The following HYDIN variants were observed in gnomAD, a reference collection of about 807,000 sequenced individuals.
HYDIN encodes HYDIN axonemal central pair apparatus protein.
A neutral mutation model predicts 403.9 loss-of-function variants in HYDIN; 132 were observed. The ratio of observed to expected loss-of-function variants is 0.33; its 90% CI spans 0.28 to 0.38. The LOEUF (loss-of-function observed/expected upper bound fraction) is 0.38. HYDIN is among the 10% of genes least tolerant of loss of function. HYDIN has a pLI of 1.00. For synonymous variants in HYDIN, 1,202 were observed against 1,891.7 expected, an observed-to-expected ratio of 0.64 and a Z score of 9.46; for missense variants, 2,827 against 5,009.5, an observed-to-expected ratio of 0.56 and a Z score of 13.15.
intron 5 of HYDIN, among the ~76,000 whole-genome samples, chr16:71,165,712 C>T (rs2086192304): frequency 6.6e-6 from 1 of 151,794 alleles, no homozygotes; most frequent in Non-Finnish European, 1.5e-5. Flanking sequence ...GACAGAGAGA[C>T]TGGAGAGCTC....
intron 15 of HYDIN, among the ~76,000 whole-genome samples, chr16:71,066,018 A>C (rs1219845294): frequency 6.6e-6 from 1 of 152,168 alleles, no homozygotes; most frequent in Non-Finnish European, 1.5e-5. Flanking sequence ...TCTTAAAGCT[A>C]ATCCTTTACT....
intron 5 of HYDIN, among the ~76,000 whole-genome samples, chr16:71,163,720 G>C (rs1403803416): frequency 6.6e-6 from 1 of 152,234 alleles, no homozygotes; most frequent in Non-Finnish European, 1.5e-5. Flanking sequence ...CCCCAGATAT[G>C]TGAGCCTAGC....
intron 11 of HYDIN, among the ~76,000 whole-genome samples, chr16:71,093,400 T>C (rs1267645652): frequency 6.6e-6 from 1 of 151,632 alleles, no homozygotes; most frequent in Admixed American, 6.6e-5. Context: ...AATTCTGAAA[T>C]GTGAAAACAG....
intron 1 of HYDIN, among the ~76,000 whole-genome samples, chr16:71,213,246 G>A (rs894795978): frequency 2.0e-5 from 3 of 152,086 alleles, no homozygotes; most frequent in Non-Finnish European, 2.9e-5. Flanking sequence ...AGAAGAAATG[G>A]CGGGGGAAAC....
intron 58 of HYDIN, among the ~76,000 whole-genome samples, chr16:70,884,887 G>C (rs999529161): frequency 2.0e-5 from 3 of 152,378 alleles, no homozygotes; most frequent in Non-Finnish European, 4.4e-5. Context: ...TCCTAGAACA[G>C]AATGTCCTGC....
intron 36 of HYDIN, among the ~76,000 whole-genome samples, chr16:70,969,201 G>A (rs1328596861): frequency 6.6e-6 from 1 of 151,342 alleles, no homozygotes; most frequent in African/African-American, 2.4e-5. Context: ...AGTAGAAAGA[G>A]CATGAGGCTG....
chr16:70,934,564 C>T lies in HYDIN; in HGVS notation c.7158+1388G>A, dbSNP rs371434628. On this transcript the variant is annotated intron_variant, in intron 45 of 85. Coordinates refer to ENST00000393567, the MANE Select transcript of HYDIN (RefSeq NM_001270974.2). ...GCATCTAGTCTCAGCAGTTTTTCTT[C>T]AGCTTAAGTGTTTTCAGACCAGGCA... 7.4e-4 allele frequency among the ~76,000 whole-genome samples: 113 copies of T among 152,230 alleles called. 1 individual carries two copies. The South Asian group carries it at 0.023, about 31-fold the overall frequency.
intron 23 of HYDIN, among the ~76,000 whole-genome samples, chr16:71,008,336 G>A (rs2079957996): frequency 6.6e-6 from 1 of 152,198 alleles, no homozygotes; most frequent in Non-Finnish European, 1.5e-5. Flanking sequence ...GGGATCTGCT[G>A]TGTGGGCTCA....
At chr16:70,813,187 G>C (rs935910188) in intron 84 of HYDIN, among the ~76,000 whole-genome samples, 3 of 152,136 alleles carry the variant, frequency 2.0e-5, no homozygotes, top group Admixed American at 6.5e-5. Context: ...TCCTGACCTT[G>C]TGATCCGCCT....
chr16:70,943,043 T>A (rs1303533846), intron 42 of HYDIN, among the ~76,000 whole-genome samples: 1 of 152,222 alleles, frequency 6.6e-6, no homozygotes, highest in Non-Finnish European at 1.5e-5. Flanking sequence ...AATTTTGTTG[T>A]ATTTAAATCT....
intron 5 of HYDIN, among the ~76,000 whole-genome samples, chr16:71,170,642 T>A (rs1274549674): frequency 1.3e-5 from 2 of 152,140 alleles, no homozygotes; most frequent in Non-Finnish European, 2.9e-5. Context: ...ATGGTTTTTT[T>A]AAAAACCAAC....
Position 71,186,754 on chromosome 16 carries a change from A to T in HYDIN, c.135+7T>A. 2 of 1,609,040 alleles carry T rather than the reference A, an allele frequency of 1.2e-6. No individual in the cohort carries two copies. Among genetic ancestry groups the T allele is most frequent in the Non-Finnish European group, 1.7e-6 (2 of 1,176,792 alleles). ...GTATTTTACATATTAATTCCCGGAT[A>T]CATTACCATTCGGTTTACTTCTTCT... is the stretch of plus-strand genomic sequence containing the variant. On this transcript the variant is annotated splice_region_variant and intron_variant, in intron 2 of 85. Coordinates refer to ENST00000393567, the MANE Select transcript of HYDIN (RefSeq NM_001270974.2).
chr16:71,122,896 C>G (rs1446104321), intron 9 of HYDIN, among the ~76,000 whole-genome samples: 3 of 118,158 alleles, frequency 2.5e-5, no homozygotes, highest in Non-Finnish European at 5.2e-5. Flanking sequence ...TTCCCCTGCT[C>G]GCTGATGTCC....
rs370629291 is a variant in HYDIN, at chr16:70,809,883, G to A, written c.14783C>T (p.Pro4928Leu). 2.5e-5 allele frequency: 41 copies of A among 1,614,216 alleles called. No individual in the cohort carries two copies. The highest frequency in any genetic ancestry group is 2.2e-4 in the South Asian group (20 of 91,090). The change falls in exon 85 of 86, where the codon CCG becomes CTG. Residue 4928 changes from proline (P) to leucine (L), a missense_variant. Pro to Leu is a moderately conservative substitution (Grantham distance 98, BLOSUM62 -3). Transcript: ENST00000393567. ...AGTCTGGAAGTGAACAGGCTTTTCC[G>A]GAAGTGCTGGCGTGGCTTTCAGATA... ...ELYLKATPALPEKPVHFQTVL... is the reference protein window; with the variant it reads ...ELYLKATPALLEKPVHFQTVL...
intron 76 of HYDIN, among the ~76,000 whole-genome samples, chr16:70,839,354 C>A (rs1567684920): frequency 6.8e-6 from 1 of 146,090 alleles, no homozygotes; most frequent in Non-Finnish European, 1.5e-5. Context: ...TCTGTGCTAG[C>A]CAATATGGTG....
chr16:71,071,121 G>A (rs1249951053), intron 13 of HYDIN, among the ~76,000 whole-genome samples: 1 of 142,954 alleles, frequency 7.0e-6, no homozygotes, highest in Non-Finnish European at 1.5e-5. Context: ...GACCATTTAT[G>A]AGTTAGACGA....
chr16:70,841,800 A>G (rs1325966007), intron 75 of HYDIN, among the ~76,000 whole-genome samples: 1 of 151,780 alleles, frequency 6.6e-6, no homozygotes, highest in Non-Finnish European at 1.5e-5. Context: ...CGATGCAGCC[A>G]TAAGGCCCTC....
chr16:71,049,269 C>T lies in HYDIN; in HGVS notation c.2529+11235G>A, dbSNP rs4788746. On this transcript the variant is annotated intron_variant, in intron 18 of 85. Coordinates refer to ENST00000393567, the MANE Select transcript of HYDIN (RefSeq NM_001270974.2). The stretch of plus-strand genomic sequence containing the variant: ...ATGTCCCCTGCTAAGACAGCCTCCC[C>T]GCATTTGAAAGAAGGCTGAACAAAG... 1.9e-3 allele frequency among the ~76,000 whole-genome samples: 227 copies of T among 117,730 alleles called. 1 individual carries two copies. Among genetic ancestry groups the T allele is most frequent in the Middle Eastern group, 0.013 (3 of 236 alleles). The allele number at this position is 117,730 out of a possible 152,430, so 77.2% of individuals were successfully genotyped here.
In HYDIN at chr16:70,938,602, C is replaced by A; in HGVS notation, c.6995+12G>T. The A allele has an allele frequency of 6.4e-7, 1 of 1,564,330 alleles. No homozygotes were observed. Among genetic ancestry groups the A allele is most frequent in the Non-Finnish European group, 8.8e-7 (1 of 1,141,922 alleles). On this transcript the variant is annotated intron_variant, in intron 44 of 85. Transcript: ENST00000393567. ...GGAATGGCTTCTGCTCTGGCCAGCC[C>A]TTGGCCCTGACCTCTTCTTCCGCTC...
Sources: gnomAD v4.1 joint callset for allele counts (sites outside exome capture counted in the v4.1 genomes callset) on GRCh38, gnomAD v4.1.1 for gene constraint, MANE v1.5 for transcripts, NCBI Gene and HGNC (gene_info 2026-07-23, HGNC 2026-07-21) for gene names.